BBS2: variants seen among roughly 807,000 people sequenced by gnomAD.
BBS2 encodes the protein Bardet-Biedl syndrome 2.
BBS2 carries 62 observed loss-of-function variants against 83.0 expected under a neutral mutation model. The observed-to-expected ratio is 0.75, with a 90% CI of 0.61 to 0.92. The LOEUF (loss-of-function observed/expected upper bound fraction) is 0.92. Ranked by LOEUF, BBS2 falls within the 40% of genes least tolerant of loss-of-function variation. The probability of loss-of-function intolerance (pLI) is 0.00; values close to 1 mark genes in which losing one functional copy is unlikely to be tolerated. For missense variants in BBS2, 784 were observed against 901.0 expected, an observed-to-expected ratio of 0.87 and a Z score of 1.66; for synonymous variants, 303 against 326.1, an observed-to-expected ratio of 0.93 and a Z score of 0.76.
downstream of BBS2, among the ~76,000 whole-genome samples, chr16:56,481,917 TACAGG>T (rs1448469878): frequency 1.3e-5 from 2 of 152,186 alleles, no homozygotes; most frequent in African/African-American, 2.4e-5. Flanking sequence ...TGGGACCCTG[TACAGG>T]ACACTCTGTC....
chr16:56,518,390 A>T (rs1406573864), intron 1 of BBS2, among the ~76,000 whole-genome samples: 1 of 152,170 alleles, frequency 6.6e-6, no homozygotes, highest in African/African-American at 2.4e-5. Flanking sequence ...ACTGTATTGA[A>T]CCTCTCTGAA....
chr16:56,516,993 T>A (rs1203947088), intron 1 of BBS2, among the ~76,000 whole-genome samples: 1 of 150,894 alleles, frequency 6.6e-6, no homozygotes, highest in Non-Finnish European at 1.5e-5. Flanking sequence ...CTTTATTTTA[T>A]TTATTATTAT....
intron 15 of BBS2, among the ~76,000 whole-genome samples, chr16:56,486,855 C>T (rs1261869929): frequency 6.6e-6 from 1 of 151,076 alleles, no homozygotes; most frequent in East Asian, 1.9e-4. Context: ...CTCCACCTCC[C>T]AGGTTCAAGT....
chr16:56,508,913 C>A (rs1257263774), intron 5 of BBS2, among the ~76,000 whole-genome samples: 1 of 152,068 alleles, frequency 6.6e-6, no homozygotes, highest in East Asian at 1.9e-4. Flanking sequence ...CCTCCCAAAG[C>A]ACTGGGATTA....
At position 56,502,459 on chromosome 16, in the gene BBS2, GA is replaced by G. The variant is rs1964302734; in HGVS notation, c.941-4del. 1 of 1,614,008 alleles carries G rather than the reference GA, an allele frequency of 6.2e-7. No individual in the cohort carries two copies. Among genetic ancestry groups the G allele is most frequent in the Admixed American group, 1.7e-5 (1 of 60,008 alleles). The stretch of plus-strand genomic sequence containing the variant: ...CGTGCCAGGCAGGTAGCCCCGGACT[GA>G]ACAGAAGGAAAAAACCGCAAGTATA... On this transcript the variant is annotated splice_polypyrimidine_tract_variant and splice_region_variant and intron_variant, in intron 8 of 16. Transcript: ENST00000245157.
At chr16:56,479,417 G>A (rs762242854), downstream of BBS2, among the ~76,000 whole-genome samples, 1 of 152,216 alleles carries the variant, frequency 6.6e-6, no homozygotes, top group Non-Finnish European at 1.5e-5. Flanking sequence ...GGCAGAGGTT[G>A]CAGTGAGCCG....
At chr16:56,498,763 C>A in intron 12 of BBS2, 195 bp from the exon 13 acceptor site, 1 of 1,454,310 alleles carries the variant, frequency 6.9e-7, no homozygotes, top group Non-Finnish European at 9.1e-7. Context: ...AAACACTAGT[C>A]ACATTCCCTT....
chr16:56,519,200 G>A (rs750250452), intron 1 of BBS2, among the ~76,000 whole-genome samples: 1 of 151,904 alleles, frequency 6.6e-6, no homozygotes, highest in South Asian at 2.1e-4. Flanking sequence ...GCGTGGTGGC[G>A]GGCGCCTGTA....
At chr16:56,502,651 G>A in intron 8 of BBS2, 22 bp downstream of exon 8, 1 of 1,614,032 alleles carries the variant, frequency 6.2e-7, no homozygotes, top group African/African-American at 1.3e-5. Context: ...ACTTTTTAAG[G>A]ATTTTTCTCA....
chr16:56,491,005 C>G (rs1963935696), intron 15 of BBS2, among the ~76,000 whole-genome samples: 1 of 152,150 alleles, frequency 6.6e-6, no homozygotes, highest in African/African-American at 2.4e-5. Flanking sequence ...TCATGATCCA[C>G]CTGCCTCAGC....
downstream of BBS2, among the ~76,000 whole-genome samples, chr16:56,480,363 AAAC>A (rs1275944790): frequency 1.2e-4 from 16 of 135,188 alleles, no homozygotes; most frequent in Admixed American, 3.0e-4. Context: ...AAAAAAAAAA[AAAC>A]AAAAAAAAAA....
chr16:56,485,737 T>G lies in BBS2; in HGVS notation c.1912A>C (p.Lys638Gln). The change falls in exon 16 of 17, where the codon AAA (lysine) becomes CAA (glutamine). Residue 638 changes from lysine (K) to glutamine (Q), a missense_variant and splice_region_variant. Coordinates refer to ENST00000245157, the MANE Select transcript of BBS2 (RefSeq NM_031885.5). ...AEDARLMRDM[K>Q]TMKSRYMELY... is the part of the protein sequence containing the mutation. Reference sequence around the variant, plus strand: ...TCCATATAACGACTCTTCATTGTTTTCCTGTGCAAATCAGTAGAAATTTGA... The same window carrying G: ...TCCATATAACGACTCTTCATTGTTTGCCTGTGCAAATCAGTAGAAATTTGA... The G allele has an allele frequency of 2.5e-6, 4 of 1,613,916 alleles. No homozygotes were observed. Among genetic ancestry groups the G allele is most frequent in the Non-Finnish European group, 2.5e-6 (3 of 1,179,866 alleles).
At chr16:56,504,962 C>T (rs546498759) in intron 7 of BBS2, among the ~76,000 whole-genome samples, 1 of 152,316 alleles carries the variant, frequency 6.6e-6, no homozygotes, top group Non-Finnish European at 1.5e-5. Context: ...CAGAGAGATC[C>T]CTTGCCCCTT....
intron 13 of BBS2, 100 bp downstream of exon 13, chr16:56,498,337 A>C: frequency 6.8e-7 from 1 of 1,474,516 alleles, no homozygotes. Flanking sequence ...TGAATGGTAA[A>C]CACCACATGA....
Position 56,497,059 on chromosome 16 carries a change from C to T in BBS2, c.1818G>A (p.Val606=), listed in dbSNP as rs1964134267. The change falls in exon 15 of 17, where the codon GTG becomes GTA. Residue 606 remains valine (V), a synonymous_variant. Transcript: ENST00000245157. The part of the protein sequence containing the change: ...VLVKVDEYHS[V]HQKLSADMAD... Reference sequence around the variant, plus strand: ...CCATATCAGCACTGAGCTTCTGATGCACTGAATGATATTCATCCACCTGGA... The same window carrying T: ...CCATATCAGCACTGAGCTTCTGATGTACTGAATGATATTCATCCACCTGGA... The T allele has an allele frequency of 1.2e-6, 2 of 1,613,350 alleles. No homozygotes were observed. Among genetic ancestry groups the T allele is most frequent in the Middle Eastern group, 1.6e-4 (1 of 6,062 alleles).
rs747518654 is a variant in BBS2 at position 56,485,599 on chromosome 16, G to A, written c.2050C>T (p.Arg684Cys). The change falls in exon 16 of 17, where the codon CGT (arginine) becomes TGT (cysteine). Residue 684 changes from arginine to cysteine, a missense_variant. Physicochemically the swap from Arg to Cys is radical, Grantham distance 180 (BLOSUM62 -3). Coordinates refer to ENST00000245157, the MANE Select transcript of BBS2 (RefSeq NM_031885.5). Reference protein sequence around the residue: ...AVNQAIQRAGRLRVGKPKNQV... With the variant: ...AVNQAIQRAGCLRVGKPKNQV... Reference sequence around the variant, plus strand: ...ATGAAAAGAGACTTACCCCGCAGACGACCTGCTCTTTGAATTGCTTGATTT... The same window carrying A: ...ATGAAAAGAGACTTACCCCGCAGACAACCTGCTCTTTGAATTGCTTGATTT... 5 of 1,613,944 alleles carry A rather than the reference G, an allele frequency of 3.1e-6. No individual in the cohort carries two copies. The highest frequency in any genetic ancestry group is 1.1e-5 in the South Asian group (1 of 91,076).
rs1964875694 is a variant in BBS2 at position 56,519,951 on chromosome 16, C to T, written c.-89G>A. 3 of 1,156,730 alleles carry T rather than the reference C, an allele frequency of 2.6e-6. No individual in the cohort carries two copies. Among genetic ancestry groups the T allele is most frequent in the African/African-American group, 1.5e-5 (1 of 65,650 alleles). The allele number at this position is 1,156,730 out of a possible 1,614,324, so 71.7% of individuals were successfully genotyped here. On this transcript the variant is annotated 5_prime_UTR_variant, in exon 1 of 17. Coordinates refer to ENST00000245157, the MANE Select transcript of BBS2 (RefSeq NM_031885.5). ...CGCGCCCGGGCAAGAAGTGCAGGGA[C>T]ACTACCTGCGCGGCCCCAGCCGCCT...
intron 13 of BBS2, among the ~76,000 whole-genome samples, chr16:56,498,124 T>C (rs1964163936): frequency 6.6e-6 from 1 of 152,150 alleles, no homozygotes; most frequent in South Asian, 2.1e-4. Flanking sequence ...ATTGAAAATG[T>C]TTTTGTTGAC....
rs117762830 is a variant in BBS2 at position 56,519,579 on chromosome 16, G to A, written c.117+167C>T. The A allele has an allele frequency of 5.8e-3, 3,553 of 608,812 alleles. 95 individuals carry two copies. Among genetic ancestry groups the A allele is most frequent in the South Asian group, 0.051 (2,609 of 51,276 alleles). 37.7% of individuals were successfully genotyped at this position (608,812 alleles called of 1,614,324 possible). On this transcript the variant is annotated intron_variant, in intron 1 of 16. Transcript: ENST00000245157. ...CTTCTCAGAAAAGCTCTTCCTCTAA[G>A]ACCCCACTGTCCTCTGCAGGATGGA...
Sources: gnomAD v4.1 joint callset for allele counts (sites outside exome capture counted in the v4.1 genomes callset) on GRCh38, gnomAD v4.1.1 for gene constraint, MANE v1.5 for transcripts, NCBI Gene and HGNC (gene_info 2026-07-23, HGNC 2026-07-21) for gene names.